PTPRT: variants seen among roughly 807,000 people sequenced by gnomAD.
The protein encoded by PTPRT is protein tyrosine phosphatase receptor type T, also known as receptor-type tyrosine-protein phosphatase T.
PTPRT carries 56 observed loss-of-function variants against 176.8 expected under a neutral mutation model. That is an observed-to-expected ratio of 0.32 (90% CI 0.26 to 0.40). The LOEUF (loss-of-function observed/expected upper bound fraction) is 0.40. PTPRT is among the 10% of genes least tolerant of loss of function. The probability of loss-of-function intolerance (pLI) is 1.00; values close to 1 mark genes in which losing one functional copy is unlikely to be tolerated. For synonymous variants in PTPRT, 783 were observed against 739.0 expected (o/e 1.06, Z -0.96); for missense variants, 1,540 against 1,908.2 (o/e 0.81, Z 3.60).
At chr20:42,268,917 C>A (rs2056884097) in intron 13 of PTPRT, among the ~76,000 whole-genome samples, 1 of 152,142 alleles carries the variant, frequency 6.6e-6, no homozygotes, top group Non-Finnish European at 1.5e-5. Context: ...CTCACAAATA[C>A]CTCCCTTCCT....
chr20:42,668,661 T>C (rs924045819), intron 7 of PTPRT, among the ~76,000 whole-genome samples: 1 of 151,174 alleles, frequency 6.6e-6, no homozygotes, highest in Non-Finnish European at 1.5e-5. Context: ...GAACATCTTA[T>C]GCCCTCACAG....
intron 1 of PTPRT, among the ~76,000 whole-genome samples, chr20:42,978,076 T>C (rs1404163994): frequency 6.6e-6 from 1 of 152,214 alleles, no homozygotes; most frequent in Non-Finnish European, 1.5e-5. Context: ...CTACGTTTTG[T>C]CCTAAACAAG....
intron 26 of PTPRT, 107 bp downstream of exon 26, chr20:42,102,017 G>T: frequency 7.5e-7 from 1 of 1,334,108 alleles, no homozygotes; most frequent in Admixed American, 2.0e-5. Context: ...AGAAGCAGGG[G>T]GGGCTGGCTG....
intron 7 of PTPRT, among the ~76,000 whole-genome samples, chr20:42,600,180 C>T (rs746782271): frequency 6.6e-6 from 1 of 152,048 alleles, no homozygotes; most frequent in Admixed American, 6.5e-5. Flanking sequence ...CACTCTGTCA[C>T]CCCCACTGGA....
intron 1 of PTPRT, among the ~76,000 whole-genome samples, chr20:42,972,414 C>T (rs946506418): frequency 2.0e-5 from 3 of 151,444 alleles, no homozygotes; most frequent in Non-Finnish European, 4.4e-5. Flanking sequence ...GTAATGCCAA[C>T]ACTTAGGGAG....
At chr20:42,981,214 A>C (rs886947697) in intron 1 of PTPRT, among the ~76,000 whole-genome samples, 1 of 152,204 alleles carries the variant, frequency 6.6e-6, no homozygotes, top group Non-Finnish European at 1.5e-5. Context: ...CAACTGTGTA[A>C]ATGTACCTCC....
chr20:42,306,045 T>C (rs1388794480), intron 12 of PTPRT, among the ~76,000 whole-genome samples: 2 of 152,224 alleles, frequency 1.3e-5, no homozygotes, highest in Admixed American at 1.3e-4. Context: ...GATTATCAGC[T>C]GTCAACATTT....
chr20:42,104,459 C>T (rs1379089057), intron 25 of PTPRT, 110 bp downstream of exon 25: 1 of 1,263,138 alleles, frequency 7.9e-7, no homozygotes, highest in Non-Finnish European at 1.1e-6. Context: ...TCTCAGCCTC[C>T]AGAAATGTAA....
chr20:43,097,400 A>T (rs2012215791), intron 1 of PTPRT, among the ~76,000 whole-genome samples: 1 of 152,224 alleles, frequency 6.6e-6, no homozygotes, highest in African/African-American at 2.4e-5. Context: ...TGGCCATCAC[A>T]ACAAAGTTGA....
At chr20:43,021,679 T>C (rs1157435780) in intron 1 of PTPRT, among the ~76,000 whole-genome samples, 4 of 152,134 alleles carry the variant, frequency 2.6e-5, no homozygotes, top group Non-Finnish European at 4.4e-5. Context: ...AGTTAAGGTA[T>C]TCAGATCACT....
In PTPRT at chr20:42,352,075, C is replaced by G. The variant is rs1408876366; in HGVS notation, c.1762+9G>C. 8 of 1,611,620 alleles carry G rather than the reference C, an allele frequency of 5.0e-6. No homozygotes were observed. The highest frequency in any genetic ancestry group is 6.8e-6 in the Non-Finnish European group (8 of 1,178,342). ...ACCTTTTTTCCTTTTTCCTTTCTAGCAGAGATACCTGAAATTTTGGTGGCA... is the reference window on the plus strand; with the variant it reads ...ACCTTTTTTCCTTTTTCCTTTCTAGGAGAGATACCTGAAATTTTGGTGGCA... On this transcript the variant is annotated intron_variant, in intron 10 of 30. Transcript: ENST00000373187.
Position 43,189,691 on chromosome 20 carries a change from G to A in PTPRT, c.43C>T (p.Leu15=). ...GCGCCGGGCAGTGGCGGCAGCTGCA[G>A]CCTCAGGAGCAGGCTGAGGGCGAGC... The part of the protein sequence containing the change: ...AALALSLLLR[L]QLPPLPGARA... Residue 15 remains leucine, a synonymous_variant, in exon 1 of 31, where the codon CTG becomes TTG. Transcript: ENST00000373187. The surrounding 1 kb of genome is among the most constrained non-coding windows in gnomAD (Gnocchi z 5.0). The A allele has an allele frequency of 7.6e-7, 1 of 1,320,178 alleles. No homozygotes were observed. Among genetic ancestry groups the A allele is most frequent in the South Asian group, 2.0e-5 (1 of 49,920 alleles). 81.8% of individuals were successfully genotyped at this position (1,320,178 alleles called of 1,614,324 possible). A position where few individuals can be genotyped will look rare whatever the true frequency, so the allele number is the denominator to read the frequency against.
intron 7 of PTPRT, among the ~76,000 whole-genome samples, chr20:42,577,960 T>A: frequency 6.7e-6 from 1 of 149,998 alleles, no homozygotes; most frequent in East Asian, 2.0e-4. Flanking sequence ...TGTGTGTGTG[T>A]GTGTGTGTGT....
At chr20:42,586,761 T>C (rs765264157) in intron 7 of PTPRT, among the ~76,000 whole-genome samples, 6 of 152,222 alleles carry the variant, frequency 3.9e-5, no homozygotes, top group Non-Finnish European at 7.3e-5. Flanking sequence ...GAAAATGGTT[T>C]GTCATTCATT....
At chr20:42,250,995 G>C (rs2056542500) in intron 13 of PTPRT, among the ~76,000 whole-genome samples, 1 of 152,228 alleles carries the variant, frequency 6.6e-6, no homozygotes, top group African/African-American at 2.4e-5. Flanking sequence ...TTTAGGGATG[G>C]GGGGACGAGG....
chr20:43,043,927 G>C (rs1224542627), intron 1 of PTPRT, among the ~76,000 whole-genome samples: 1 of 152,064 alleles, frequency 6.6e-6, no homozygotes, highest in Non-Finnish European at 1.5e-5. Flanking sequence ...TCCTTCCTCT[G>C]TCTGCTTATC....
At chr20:42,122,311 T>C (rs1175534699) in intron 19 of PTPRT, among the ~76,000 whole-genome samples, 1 of 152,200 alleles carries the variant, frequency 6.6e-6, no homozygotes, top group African/African-American at 2.4e-5. Context: ...TATTTTATTG[T>C]TTATTTGGCA....
chr20:42,318,432 C>T (rs2057751835), intron 11 of PTPRT, among the ~76,000 whole-genome samples: 1 of 152,138 alleles, frequency 6.6e-6, no homozygotes, highest in Admixed American at 6.5e-5. Context: ...GGCTTGAATG[C>T]TAATAGTAGC....
intron 1 of PTPRT, among the ~76,000 whole-genome samples, chr20:42,958,823 T>C (rs1981825336): frequency 6.6e-6 from 1 of 152,094 alleles, no homozygotes; most frequent in Non-Finnish European, 1.5e-5. Context: ...CTTATGAACC[T>C]CCTCCTGAGA....
Sources: allele counts gnomAD v4.1 joint callset (sites outside exome capture counted in the v4.1 genomes callset), GRCh38; gene constraint gnomAD v4.1.1; non-coding constraint Gnocchi (gnomAD v3.1); transcripts MANE v1.5; gene names NCBI Gene and HGNC (gene_info 2026-07-23, HGNC 2026-07-21).